CCDC85A: variants seen among roughly 807,000 people sequenced by gnomAD.
CCDC85A encodes coiled-coil domain-containing protein 85A.
A neutral mutation model predicts 50.2 loss-of-function variants in CCDC85A; 38 were observed. That is an observed-to-expected ratio of 0.76 (90% confidence interval 0.58 to 0.99). The LOEUF (loss-of-function observed/expected upper bound fraction) is 0.99, where lower values mean the gene tolerates loss of function less well. CCDC85A is among the 50% of genes least tolerant of loss of function. The pLI is 0.00. For missense variants in CCDC85A, 820 were observed against 742.0 expected (o/e 1.11, Z -1.22); for synonymous variants, 366 against 301.4 (o/e 1.21, Z -2.22).
At chr2:56,325,492 G>A (rs1372821672) in intron 2 of CCDC85A, among the ~76,000 whole-genome samples, 1 of 152,052 alleles carries the variant, frequency 6.6e-6, no homozygotes, top group East Asian at 1.9e-4. Flanking sequence ...ACTTCTGTAG[G>A]TGACATACAT....
chr2:56,224,513 A>G (rs954725716), intron 2 of CCDC85A, among the ~76,000 whole-genome samples: 3 of 152,184 alleles, frequency 2.0e-5, no homozygotes, highest in Non-Finnish European at 2.9e-5. Context: ...TCTATGTGTA[A>G]CATTTTGAGA....
intron 2 of CCDC85A, among the ~76,000 whole-genome samples, chr2:56,237,424 T>A (rs985792): frequency 1.3e-5 from 2 of 152,070 alleles, no homozygotes; most frequent in Non-Finnish European, 2.9e-5. Flanking sequence ...ATCATAGAGA[T>A]TCAGAAGATT....
At chr2:56,301,562 A>T (rs542014465) in intron 2 of CCDC85A, among the ~76,000 whole-genome samples, 1 of 152,322 alleles carries the variant, frequency 6.6e-6, no homozygotes, top group East Asian at 1.9e-4. Flanking sequence ...AGTGAATAGG[A>T]AGTAAGAAGG....
chr2:56,292,165 C>T (rs1671742326), intron 2 of CCDC85A, among the ~76,000 whole-genome samples: 1 of 152,180 alleles, frequency 6.6e-6, no homozygotes, highest in Non-Finnish European at 1.5e-5. Context: ...TCACTGTAAG[C>T]TCCACCTCCT....
chr2:56,309,500 T>C (rs1449241739), intron 2 of CCDC85A, among the ~76,000 whole-genome samples: 5 of 152,174 alleles, frequency 3.3e-5, no homozygotes, highest in Admixed American at 2.0e-4. Context: ...AAAATAATGG[T>C]GATCCTAAGT....
chr2:56,343,086 A>G (rs377707832), intron 3 of CCDC85A, 131 bp downstream of exon 3: 2 of 613,174 alleles, frequency 3.3e-6, no homozygotes, highest in Non-Finnish European at 2.9e-6. Context: ...CCATTCATCA[A>G]TGTAGAGTGT....
intron 3 of CCDC85A, among the ~76,000 whole-genome samples, chr2:56,346,114 C>G (rs1674619529): frequency 6.6e-6 from 1 of 152,170 alleles, no homozygotes; most frequent in Non-Finnish European, 1.5e-5. Context: ...ATGTAAAGCA[C>G]TGTCCTGGAG....
chr2:56,220,483 G>C (rs1248001203), intron 2 of CCDC85A, among the ~76,000 whole-genome samples: 2 of 151,988 alleles, frequency 1.3e-5, no homozygotes, highest in African/African-American at 2.4e-5. Context: ...TTATAATAAT[G>C]ATTCTGAAGA....
chr2:56,306,009 A>G (rs1226941674), intron 2 of CCDC85A, among the ~76,000 whole-genome samples: 1 of 152,226 alleles, frequency 6.6e-6, no homozygotes, highest in African/African-American at 2.4e-5. Flanking sequence ...CTTGACAAAC[A>G]TCATATTAAG....
At chr2:56,291,467 G>A (rs1671699536) in intron 2 of CCDC85A, among the ~76,000 whole-genome samples, 1 of 152,234 alleles carries the variant, frequency 6.6e-6, no homozygotes, top group Admixed American at 6.5e-5. Context: ...GAAAATAGCA[G>A]TGTGGGGGCT....
intron 2 of CCDC85A, among the ~76,000 whole-genome samples, chr2:56,272,332 A>T (rs1670736606): frequency 6.6e-6 from 1 of 152,092 alleles, no homozygotes; most frequent in African/African-American, 2.4e-5. Context: ...TATAAGCCAG[A>T]AGCAAGTAGA....
intron 2 of CCDC85A, among the ~76,000 whole-genome samples, chr2:56,301,589 T>C (rs934890634): frequency 2.0e-5 from 3 of 152,218 alleles, no homozygotes; most frequent in Non-Finnish European, 4.4e-5. Context: ...TCATACTGTT[T>C]AAGATATTGG....
At chr2:56,185,736 C>G (rs962538237) in intron 1 of CCDC85A, 2 of 152,268 alleles carry the variant, frequency 1.3e-5, no homozygotes, top group Non-Finnish European at 2.9e-5. Context: ...TGGAGAGCGC[C>G]GGGTCTGCGA....
Position 56,384,303 on chromosome 2 carries a change from G to A in CCDC85A, c.1610G>A (p.Cys537Tyr), listed in dbSNP as rs369965471. The change falls in exon 6 of 6, where the codon TGT (cysteine) becomes TAT (tyrosine). Residue 537 changes from cysteine to tyrosine, a missense_variant. Cys to Tyr is a radical substitution (Grantham distance 194). Transcript: ENST00000407595. Reference protein sequence around the residue: ...WRKLGDAAGSCPGIRQHLSGN... With the variant: ...WRKLGDAAGSYPGIRQHLSGN... ...AAACTTGGAGATGCTGCAGGTTCGT[G>A]TCCTGGAATTAGGCAACATTTGTCA... 2 of 1,610,876 alleles carry A rather than the reference G, an allele frequency of 1.2e-6. No homozygotes were observed. Among genetic ancestry groups the A allele is most frequent in the African/African-American group, 1.3e-5 (1 of 74,556 alleles).
chr2:56,281,590 T>C (rs553859049), intron 2 of CCDC85A, among the ~76,000 whole-genome samples: 1 of 152,324 alleles, frequency 6.6e-6, no homozygotes, highest in South Asian at 2.1e-4. Context: ...ACATTTGGTA[T>C]GGTAAGGCTT....
chr2:56,251,338 T>C (rs1282136958), intron 2 of CCDC85A, among the ~76,000 whole-genome samples: 1 of 152,210 alleles, frequency 6.6e-6, no homozygotes, highest in African/African-American at 2.4e-5. Flanking sequence ...TCTGAAAATG[T>C]TGGGCCCATA....
At chr2:56,276,517 T>G (rs1670951864) in intron 2 of CCDC85A, among the ~76,000 whole-genome samples, 1 of 152,094 alleles carries the variant, frequency 6.6e-6, no homozygotes. Context: ...TGAATGAGTC[T>G]CACGAGATCT....
chr2:56,339,537 C>T (rs961641636), intron 2 of CCDC85A, among the ~76,000 whole-genome samples: 9 of 152,120 alleles, frequency 5.9e-5, no homozygotes, highest in African/African-American at 1.9e-4. Flanking sequence ...AAACAAATTC[C>T]GTTCAATAGC....
At chr2:56,308,792 C>T (rs374204968) in intron 2 of CCDC85A, among the ~76,000 whole-genome samples, 30 of 152,250 alleles carry the variant, frequency 2.0e-4, no homozygotes, top group African/African-American at 5.8e-4. Flanking sequence ...TTGACCGCTG[C>T]GCTGTAGTAG....
Sources: gnomAD v4.1 joint callset for allele counts (sites outside exome capture counted in the v4.1 genomes callset) on GRCh38, gnomAD v4.1.1 for gene constraint, MANE v1.5 for transcripts, NCBI Gene and HGNC (gene_info 2026-07-23, HGNC 2026-07-21) for gene names.